Variants in NBDY observed in about 807,000 individuals in gnomAD.
NBDY encodes the protein negative regulator of P-body association.
intron 2 of NBDY, among the ~76,000 whole-genome samples, chrX:56,733,205 G>GT (rs1223882303): frequency 6.7e-5 from 7 of 104,040 alleles, no homozygotes; most frequent in Admixed American, 3.0e-4. Context: ...CCCATGGTTT[G>GT]TTTTTTTTCA....
At chrX:56,803,373 C>T (rs1156547712) in intron 2 of NBDY, among the ~76,000 whole-genome samples, 1 of 111,654 alleles carries the variant, frequency 9.0e-6, no homozygotes, top group Non-Finnish European at 1.9e-5. Context: ...CAGCGTGATT[C>T]CAGGCAAGGG....
intron 2 of NBDY, among the ~76,000 whole-genome samples, chrX:56,752,147 T>C (rs1034169055): frequency 8.9e-6 from 1 of 112,464 alleles, no homozygotes; most frequent in Non-Finnish European, 1.9e-5. Flanking sequence ...CTATTGTGAA[T>C]AGTACAGTAG....
chrX:56,783,244 G>C lies in NBDY; in HGVS notation c.*167-34076G>C, dbSNP rs781007499. Among the ~76,000 whole-genome samples, 4 of 112,820 alleles carry C rather than the reference G, an allele frequency of 3.5e-5. No individual in the cohort carries two copies. In the South Asian group the frequency reaches 1.4e-3, roughly 41 times the overall value. ...CAGCTGTATGTAAGAAAGGGCAGTC[G>C]GGGCGGCCAGCCATGGCTTCCCCTG... On this transcript the variant is annotated intron_variant, in intron 2 of 2. Transcript: ENST00000374922.
intron 2 of NBDY, among the ~76,000 whole-genome samples, chrX:56,807,029 A>G (rs2069855011): frequency 8.9e-6 from 1 of 112,119 alleles, no homozygotes; most frequent in Non-Finnish European, 1.9e-5. Flanking sequence ...ACCTTTCTGC[A>G]TATGGCTAGC....
chrX:56,744,910 C>T (rs914726776), intron 2 of NBDY, among the ~76,000 whole-genome samples: 1 of 111,508 alleles, frequency 9.0e-6, no homozygotes, highest in Non-Finnish European at 1.9e-5. Context: ...ATAGAAGACT[C>T]ATTCTTACCA....
At chrX:56,751,384 C>T in intron 2 of NBDY, among the ~76,000 whole-genome samples, 1 of 111,858 alleles carries the variant, frequency 8.9e-6, no homozygotes. Flanking sequence ...TATTATTGCA[C>T]ATGTCAAACA....
chrX:56,748,610 G>C (rs1490510124), intron 2 of NBDY, among the ~76,000 whole-genome samples: 1 of 108,269 alleles, frequency 9.2e-6, no homozygotes, highest in Admixed American at 1.0e-4. Context: ...AAGATGAACA[G>C]ATAAAGGAGT....
intron 2 of NBDY, among the ~76,000 whole-genome samples, chrX:56,796,691 C>A (rs1164744436): frequency 2.7e-5 from 3 of 111,105 alleles, no homozygotes; most frequent in Non-Finnish European, 5.7e-5. Flanking sequence ...TCCTTCCCTG[C>A]CTTGGCCTTG....
chrX:56,734,164 C>T (rs1487490888), intron 2 of NBDY, among the ~76,000 whole-genome samples: 1 of 112,000 alleles, frequency 8.9e-6, no homozygotes, highest in Admixed American at 9.5e-5. Flanking sequence ...TGGTACCACT[C>T]GTAGAGCATC....
intron 2 of NBDY, among the ~76,000 whole-genome samples, chrX:56,741,337 C>T (rs1173802232): frequency 9.0e-6 from 1 of 111,454 alleles, no homozygotes; most frequent in Non-Finnish European, 1.9e-5. Context: ...TACTGATTTC[C>T]TTTGTTTGGG....
At chrX:56,786,629 CT>C (rs1569289737) in intron 2 of NBDY, among the ~76,000 whole-genome samples, 1 of 76,603 alleles carries the variant, frequency 1.3e-5, no homozygotes, top group African/African-American at 3.5e-5. Context: ...CCTTCTCCTT[CT>C]TTCTGCTTCT....
chrX:56,758,113 T>C (rs903782688), intron 2 of NBDY, among the ~76,000 whole-genome samples: 4 of 110,239 alleles, frequency 3.6e-5, no homozygotes, highest in Non-Finnish European at 7.6e-5. Flanking sequence ...GTGGGCAGAT[T>C]GCTTGAGGCC....
At chrX:56,740,705 T>G (rs190992907) in intron 2 of NBDY, among the ~76,000 whole-genome samples, 11 of 111,372 alleles carry the variant, frequency 9.9e-5, no homozygotes, top group Admixed American at 9.6e-4. Context: ...TGTAAATTTT[T>G]TTTGTTTGCT....
chrX:56,765,552 G>C (rs185305838), intron 2 of NBDY, among the ~76,000 whole-genome samples: 1 of 111,699 alleles, frequency 9.0e-6, no homozygotes, highest in Non-Finnish European at 1.9e-5. Flanking sequence ...CGTGCCCCTC[G>C]TTGTATGTCA....
At chrX:56,817,135 G>T (rs2069914404) in intron 2 of NBDY, among the ~76,000 whole-genome samples, 185 bp from the exon 3 acceptor site, 1 of 111,693 alleles carries the variant, frequency 9.0e-6, no homozygotes, top group African/African-American at 3.3e-5. Flanking sequence ...AAAGATGCAG[G>T]TTATTGACAT....
chrX:56,749,980 T>C (rs2069576573), intron 2 of NBDY, among the ~76,000 whole-genome samples: 1 of 111,752 alleles, frequency 8.9e-6, no homozygotes, highest in South Asian at 3.7e-4. Context: ...TACATTATAT[T>C]TTATTATAAA....
chrX:56,744,684 A>T (rs2069547990), intron 2 of NBDY, among the ~76,000 whole-genome samples: 1 of 111,411 alleles, frequency 9.0e-6, no homozygotes, highest in Admixed American at 9.6e-5. Context: ...GATATCTTTC[A>T]TGTATTGTAG....
intron 2 of NBDY, among the ~76,000 whole-genome samples, chrX:56,799,514 T>A (rs897031600): frequency 8.9e-6 from 1 of 112,903 alleles, no homozygotes; most frequent in South Asian, 3.6e-4. Context: ...CAATGGCAGG[T>A]ACACTTCCTT....
At chrX:56,759,231 G>A (rs1446731055) in intron 2 of NBDY, among the ~76,000 whole-genome samples, 1 of 112,029 alleles carries the variant, frequency 8.9e-6, no homozygotes, top group East Asian at 2.8e-4. Flanking sequence ...AGCCAGCTGG[G>A]TGGCTCCCAC....
Sources: gnomAD v4.1 joint callset for allele counts (sites outside exome capture counted in the v4.1 genomes callset) on GRCh38, gnomAD v4.1.1 for gene constraint, MANE v1.5 for transcripts, NCBI Gene and HGNC (gene_info 2026-07-23, HGNC 2026-07-21) for gene names.